Variants in GRAMD4 observed in about 807,000 individuals in gnomAD.
The protein encoded by GRAMD4 is GRAM domain containing 4.
Under a neutral mutation model 83.9 loss-of-function variants are expected in GRAMD4, and 25 were observed. The ratio of observed to expected loss-of-function variants is 0.30; its 90% confidence interval spans 0.22 to 0.42. The LOEUF is 0.42. Among genes scored for constraint, GRAMD4 ranks in the 10% least tolerant of loss-of-function variants. GRAMD4 has a pLI of 1.00. For synonymous variants in GRAMD4, 336 were observed against 320.9 expected, an observed-to-expected ratio of 1.05 and a Z score of -0.50; for missense variants, 593 against 788.7, an observed-to-expected ratio of 0.75 and a Z score of 2.97.
intron 10 of GRAMD4, among the ~76,000 whole-genome samples, chr22:46,667,651 A>C (rs1424336088): frequency 6.6e-6 from 1 of 152,206 alleles, no homozygotes; most frequent in Non-Finnish European, 1.5e-5. Context: ...TCTTGCATGG[A>C]GCACCAGGGG....
intron 13 of GRAMD4, among the ~76,000 whole-genome samples, chr22:46,669,645 G>A (rs1455945070): frequency 2.0e-5 from 3 of 150,096 alleles, no homozygotes; most frequent in East Asian, 2.0e-4. Flanking sequence ...GCGTGATCTC[G>A]GCTCACTGCA....
chr22:46,637,760 G>A lies in GRAMD4; in HGVS notation c.163-80G>A. On this transcript the variant is annotated intron_variant, in intron 2 of 18. Coordinates refer to ENST00000406902, the MANE Select transcript of GRAMD4 (RefSeq NM_015124.5). ...CACTGCTGCCATCCTGGGGCCCCTG[G>A]GCACCTCTGGGGGAACTGAGTGGTG... The A allele has an allele frequency of 2.0e-6, 3 of 1,505,082 alleles. No individual in the cohort carries two copies. In the South Asian group the frequency reaches 3.7e-5, roughly 19 times the overall value. The allele number at this position is 1,505,082 out of a possible 1,614,324, so 93.2% of individuals were successfully genotyped here.
chr22:46,651,434 G>A (rs554222443), intron 3 of GRAMD4, among the ~76,000 whole-genome samples: 5 of 152,344 alleles, frequency 3.3e-5, no homozygotes, highest in Middle Eastern at 6.8e-3. Flanking sequence ...GCAGGGCTGT[G>A]ACTTTCTGGT....
At chr22:46,611,733 G>A (rs1003442872) in intron 1 of GRAMD4, among the ~76,000 whole-genome samples, 1 of 151,788 alleles carries the variant, frequency 6.6e-6, no homozygotes, top group African/African-American at 2.4e-5. Context: ...GCTCATGCCT[G>A]TAATCCTAGC....
rs1332995025 is a variant in GRAMD4, at chr22:46,633,999, A to AC, written c.163-3836dup. ...CCTGGGCCACCCTCAGGCCTGTCTC[A>AC]CCCCCGGGTGCCTGTGCTCTCAGCA... On this transcript the variant is annotated intron_variant, in intron 2 of 18. Coordinates refer to ENST00000406902, the MANE Select transcript of GRAMD4 (RefSeq NM_015124.5). 5.3e-5 allele frequency among the ~76,000 whole-genome samples: 8 copies of AC among 152,180 alleles called. No individual in the cohort carries two copies. In the East Asian group the frequency reaches 1.5e-3, roughly 29 times the overall value.
intron 3 of GRAMD4, among the ~76,000 whole-genome samples, chr22:46,648,357 GATGA>G (rs1240425670): frequency 0.012 from 1,669 of 137,956 alleles, 38 homozygotes; most frequent in African/African-American, 0.045. Flanking sequence ...TGGATGGATG[GATGA>G]ATGGGTGAGT....
At chr22:46,626,723 GGA>G in intron 1 of GRAMD4, 26 bp from the exon 2 acceptor site, 1 of 1,449,560 alleles carries the variant, frequency 6.9e-7, no homozygotes, top group East Asian at 2.3e-5. Flanking sequence ...GTGGCGAGCG[GGA>G]GAGTGACCAC....
intron 1 of GRAMD4, among the ~76,000 whole-genome samples, chr22:46,588,765 A>G (rs1344896165): frequency 6.6e-6 from 1 of 152,094 alleles, no homozygotes; most frequent in Non-Finnish European, 1.5e-5. Flanking sequence ...CACAGGTCTC[A>G]GGAGGGCATG....
intron 3 of GRAMD4, among the ~76,000 whole-genome samples, chr22:46,643,107 CCATCCATCCATCCATG>C (rs2082001025): frequency 6.6e-6 from 1 of 151,570 alleles, no homozygotes; most frequent in South Asian, 2.1e-4. Flanking sequence ...ATCCATCCAT[CCATCCATCCATCCATG>C]CATCCATCCA....
chr22:46,632,351 C>T (rs952400125), intron 2 of GRAMD4, among the ~76,000 whole-genome samples: 14 of 152,296 alleles, frequency 9.2e-5, no homozygotes, highest in African/African-American at 3.1e-4. Flanking sequence ...AGATGGGAGA[C>T]GTCCCCAGAA....
rs1358971560 is a variant in GRAMD4 at position 46,627,869 on chromosome 22, T to C, written c.162+908T>C. Among the ~76,000 whole-genome samples the C allele has an allele frequency of 2.6e-5, 4 of 152,248 alleles. No individual in the cohort carries two copies. The East Asian group carries it at 7.7e-4, about 29-fold the overall frequency. ...ATCAGGCAGGTGGGGCCGCTTGGCT[T>C]CCTGGGGCATCACTACAGACCACAG... On this transcript the variant is annotated intron_variant, in intron 2 of 18. Transcript: ENST00000406902.
chr22:46,623,354 C>T (rs934984346), intron 1 of GRAMD4, among the ~76,000 whole-genome samples: 9 of 152,174 alleles, frequency 5.9e-5, no homozygotes, highest in Admixed American at 2.6e-4. Context: ...TGCCGCATTC[C>T]GCAGCCCGGG....
chr22:46,681,937 A>G (rs952034160), downstream of GRAMD4, among the ~76,000 whole-genome samples: 1 of 152,208 alleles, frequency 6.6e-6, no homozygotes, highest in African/African-American at 2.4e-5. Flanking sequence ...TTTGGAGGAC[A>G]GGGTTGGCCA....
At chr22:46,616,885 T>C (rs1601567644), upstream of GRAMD4, among the ~76,000 whole-genome samples, 1 of 21,868 alleles carries the variant, frequency 4.6e-5, no homozygotes, top group Non-Finnish European at 9.1e-5. Flanking sequence ...TAGGTTCCCC[T>C]GTGCGTGTAG....
chr22:46,577,923 G>T (rs779913266), intron 1 of GRAMD4, among the ~76,000 whole-genome samples: 3 of 152,200 alleles, frequency 2.0e-5, no homozygotes, highest in Non-Finnish European at 4.4e-5. Context: ...CCGGCCCGAG[G>T]CCCCACATGT....
chr22:46,680,690 TCATCCAC>T, downstream of GRAMD4, among the ~76,000 whole-genome samples: 1 of 8,666 alleles, frequency 1.2e-4, no homozygotes, highest in Middle Eastern at 0.1. Flanking sequence ...ACCCACCTAT[TCATCCAC>T]CCATCCATCC....
At chr22:46,654,069 C>G (rs190741248) in intron 3 of GRAMD4, among the ~76,000 whole-genome samples, 79 of 152,188 alleles carry the variant, frequency 5.2e-4, no homozygotes, top group Admixed American at 2.0e-3. Flanking sequence ...TTCCTTCCTT[C>G]GCTTATCCAG....
In GRAMD4 at chr22:46,622,352, C is replaced by T. The variant is rs982424789; in HGVS notation, c.-50+1787C>T. ...GCCCCAGCGCCCGGGTCATCCCCTC[C>T]GCTTCCCTCTCAGCTGCCGCAACCA... On this transcript the variant is annotated intron_variant, in intron 1 of 18. Coordinates refer to ENST00000406902, the MANE Select transcript of GRAMD4 (RefSeq NM_015124.5). This position sits in a 1 kb window ranked among gnomAD's most constrained non-coding sequence, Gnocchi z 4.0. Among the ~76,000 whole-genome samples, 11 of 152,188 alleles carry T rather than the reference C, an allele frequency of 7.2e-5. No homozygotes were observed. Among genetic ancestry groups the T allele is most frequent in the Non-Finnish European group, 1.6e-4 (11 of 68,032 alleles).
chr22:46,581,100 G>A (rs1017422701), intron 1 of GRAMD4, among the ~76,000 whole-genome samples: 4 of 152,202 alleles, frequency 2.6e-5, no homozygotes, highest in African/African-American at 7.2e-5. Context: ...CTGGTAATTC[G>A]CCACTAATGA....
Sources: allele counts gnomAD v4.1 joint callset (sites outside exome capture counted in the v4.1 genomes callset), GRCh38; gene constraint gnomAD v4.1.1; non-coding constraint Gnocchi (gnomAD v3.1); transcripts MANE v1.5; gene names NCBI Gene and HGNC (gene_info 2026-07-23, HGNC 2026-07-21).